Variants in KMT5B observed in about 807,000 individuals in gnomAD.
The protein encoded by KMT5B is lysine methyltransferase 5B.
A neutral mutation model predicts 83.2 loss-of-function variants in KMT5B; 10 were observed. That is an observed-to-expected ratio of 0.12 (90% CI 0.07 to 0.20). KMT5B has a LOEUF of 0.20. Ranked by LOEUF, KMT5B falls within the 10% of genes least tolerant of loss-of-function variation. The probability of loss-of-function intolerance (pLI) is 1.00; values close to 1 mark genes in which losing one functional copy is unlikely to be tolerated. For synonymous variants in KMT5B, 349 were observed against 388.8 expected, an observed-to-expected ratio of 0.90 and a Z score of 1.20; for missense variants, 753 against 1,067.2, an observed-to-expected ratio of 0.71 and a Z score of 4.10.
At chr11:68,212,847 G>A (rs1349366311) in intron 1 of KMT5B, 1 of 151,320 alleles carries the variant, frequency 6.6e-6, no homozygotes, top group Non-Finnish European at 1.5e-5. Context: ...CGCGAGCGGC[G>A]GGGCTGCTCC....
At chr11:68,182,432 TAGG>T (rs1396490796) in intron 3 of KMT5B, among the ~76,000 whole-genome samples, 1 of 152,212 alleles carries the variant, frequency 6.6e-6, no homozygotes, top group Admixed American at 6.5e-5. Context: ...AGCAATGGTA[TAGG>T]AGGACTTTTA....
At chr11:68,163,524 C>A (rs1182681158) in intron 10 of KMT5B, among the ~76,000 whole-genome samples, 1 of 152,170 alleles carries the variant, frequency 6.6e-6, no homozygotes, top group Non-Finnish European at 1.5e-5. Flanking sequence ...CAGGGTGGCA[C>A]AAGACTTCCA....
chr11:68,162,803 T>C (rs540630757), intron 10 of KMT5B, among the ~76,000 whole-genome samples: 2 of 152,302 alleles, frequency 1.3e-5, no homozygotes, highest in East Asian at 1.9e-4. Context: ...ATTCTAATTT[T>C]GTTTGAAAAG....
chr11:68,194,384 A>G (rs1163171976), intron 1 of KMT5B, among the ~76,000 whole-genome samples: 2 of 151,812 alleles, frequency 1.3e-5, no homozygotes, highest in Admixed American at 6.6e-5. Flanking sequence ...GTAGAGACAG[A>G]GTTTCACCAT....
At chr11:68,203,914 T>C (rs1859754934) in intron 1 of KMT5B, among the ~76,000 whole-genome samples, 1 of 152,220 alleles carries the variant, frequency 6.6e-6, no homozygotes. Flanking sequence ...TAGCAAAGAA[T>C]ACGTCTCTAT....
At position 68,211,012 on chromosome 11, in the gene KMT5B, C is replaced by T. The variant is rs571028177; in HGVS notation, c.-77+2126G>A. ...GGGCATTCCTGTGGACAGGGAGCTGCTTAGATGCCACACACACAAATCTCT... is the reference window on the plus strand; with the variant it reads ...GGGCATTCCTGTGGACAGGGAGCTGTTTAGATGCCACACACACAAATCTCT... On this transcript the variant is annotated intron_variant, in intron 1 of 10. Coordinates refer to ENST00000304363, the MANE Select transcript of KMT5B (RefSeq NM_017635.5). Among the ~76,000 whole-genome samples the T allele has an allele frequency of 1.7e-4, 26 of 152,314 alleles. No individual in the cohort carries two copies. The South Asian group carries it at 5.2e-3, about 30-fold the overall frequency.
chr11:68,194,492 C>G (rs962297), intron 1 of KMT5B, among the ~76,000 whole-genome samples: 18,676 of 152,124 alleles, frequency 0.12, 1,314 homozygotes, highest in East Asian at 0.23. Flanking sequence ...TGTGCCCGGC[C>G]AAGTGTTCAA....
In KMT5B at chr11:68,193,800, CTT is replaced by C. The variant is rs35179552; in HGVS notation, c.-76-3650_-76-3649del. On this transcript the variant is annotated intron_variant, in intron 1 of 10. Transcript: ENST00000304363. ...AGGCATAGAATTGAACAGCAGTATA[CTT>C]TTTTTTTTTTTTTTAAGAGACAGGG... is the stretch of plus-strand genomic sequence containing the variant. Among the ~76,000 whole-genome samples, 820 of 139,924 alleles carry C rather than the reference CTT, an allele frequency of 5.9e-3. 5 individuals are homozygous for C. Among genetic ancestry groups the C allele is most frequent in the African/African-American group, 0.02 (768 of 38,278 alleles). The allele number at this position is 139,924 out of a possible 152,430, so 91.8% of individuals were successfully genotyped here.
chr11:68,164,538 T>A (rs1855139278), intron 10 of KMT5B: 1 of 419,662 alleles, frequency 2.4e-6, no homozygotes, highest in Non-Finnish European at 4.9e-6. Context: ...GAAATCCTTA[T>A]GTGAACATGA....
At chr11:68,194,973 G>C (rs1295484679) in intron 1 of KMT5B, among the ~76,000 whole-genome samples, 2 of 152,102 alleles carry the variant, frequency 1.3e-5, no homozygotes, top group Non-Finnish European at 2.9e-5. Context: ...CCAGGAGTTC[G>C]AGACCAGCCT....
chr11:68,188,228 A>G (rs1857641149), intron 2 of KMT5B, among the ~76,000 whole-genome samples: 1 of 151,528 alleles, frequency 6.6e-6, no homozygotes. Context: ...GTTTGACCGT[A>G]TTAGCCAGGA....
At chr11:68,188,190 G>T (rs536185510) in intron 2 of KMT5B, among the ~76,000 whole-genome samples, 3 of 151,346 alleles carry the variant, frequency 2.0e-5, no homozygotes, top group African/African-American at 7.3e-5. Context: ...ACGCCCAGCT[G>T]ATTTTTTGTA....
intron 1 of KMT5B, among the ~76,000 whole-genome samples, chr11:68,201,239 G>A (rs889774727): frequency 2.0e-5 from 3 of 152,138 alleles, no homozygotes; most frequent in Non-Finnish European, 2.9e-5. Flanking sequence ...TTGCTGGGGG[G>A]AAGGATAACT....
intron 4 of KMT5B, among the ~76,000 whole-genome samples, chr11:68,175,803 CA>C (rs1261700294): frequency 6.6e-6 from 1 of 152,022 alleles, no homozygotes; most frequent in Non-Finnish European, 1.5e-5. Context: ...CCACCCATGT[CA>C]AAGTCATCTT....
intron 1 of KMT5B, among the ~76,000 whole-genome samples, chr11:68,202,856 T>C (rs1215128808): frequency 2.0e-5 from 3 of 151,970 alleles, no homozygotes; most frequent in East Asian, 1.9e-4. Flanking sequence ...TTTATTTCCA[T>C]GTTTTGGCCG....
intron 1 of KMT5B, among the ~76,000 whole-genome samples, chr11:68,191,173 T>TGTGTGTGTGTGTGTGTG (rs1858004569): frequency 4.3e-5 from 6 of 139,172 alleles, no homozygotes; most frequent in Non-Finnish European, 6.2e-5. Flanking sequence ...TTTTAAAACT[T>TGTGTGTGTGTGTGTGTG]TGTGTGTGTG....
In KMT5B at chr11:68,167,121, G is replaced by C; in HGVS notation, c.1035C>G (p.Ile345Met). Residue 345 changes from isoleucine to methionine, a missense_variant, in exon 10 of 11, where the codon ATC (isoleucine) becomes ATG (methionine). Coordinates refer to ENST00000304363, the MANE Select transcript of KMT5B (RefSeq NM_017635.5). ...TTTCTCTGAGTCCATATTTGCTATT[G>C]ATAACAGGAGCAGGCGCAGGCAGTC... is the stretch of plus-strand genomic sequence containing the variant. The part of the protein sequence containing the change: ...RVGLPAPAPV[I>M]NSKYGLRETD... 1 of 1,613,908 alleles carries C rather than the reference G, an allele frequency of 6.2e-7. No individual in the cohort carries two copies.
intron 3 of KMT5B, among the ~76,000 whole-genome samples, chr11:68,183,910 T>C (rs1857189110): frequency 6.6e-6 from 1 of 151,916 alleles, no homozygotes; most frequent in African/African-American, 2.4e-5. Flanking sequence ...TCCACCCAGC[T>C]TGGCCTCCCA....
chr11:68,167,221 T>G, intron 9 of KMT5B, 43 bp from the exon 10 acceptor site: 3 of 1,554,342 alleles, frequency 1.9e-6, no homozygotes, highest in South Asian at 1.2e-5. Flanking sequence ...AGAACACACT[T>G]TCTTATAATA....
Sources: allele counts gnomAD v4.1 joint callset (sites outside exome capture counted in the v4.1 genomes callset), GRCh38; gene constraint gnomAD v4.1.1; transcripts MANE v1.5; gene names NCBI Gene and HGNC (gene_info 2026-07-23, HGNC 2026-07-21).